Variants in PTPRT observed in about 807,000 individuals in gnomAD.
The protein encoded by PTPRT is protein tyrosine phosphatase receptor type T, also known as receptor-type tyrosine-protein phosphatase T.
Under a neutral mutation model 176.8 loss-of-function variants are expected in PTPRT, and 56 were observed. That is an observed-to-expected ratio of 0.32 (90% CI 0.26 to 0.40). PTPRT has a LOEUF of 0.40. Among genes scored for constraint, PTPRT ranks in the 10% least tolerant of loss-of-function variants. The pLI is 1.00. For synonymous variants in PTPRT, 783 were observed against 739.0 expected (o/e 1.06, Z -0.96); for missense variants, 1,540 against 1,908.2 (o/e 0.81, Z 3.60).
intron 12 of PTPRT, among the ~76,000 whole-genome samples, chr20:42,283,046 C>T (rs1401650093): frequency 1.3e-5 from 2 of 152,076 alleles, no homozygotes; most frequent in East Asian, 3.8e-4. Flanking sequence ...GTTACTTTTC[C>T]CCTGAGCTCT....
At chr20:42,106,342 C>A (rs1986439613) in intron 24 of PTPRT, among the ~76,000 whole-genome samples, 1 of 152,234 alleles carries the variant, frequency 6.6e-6, no homozygotes, top group African/African-American at 2.4e-5. Context: ...AAATGCCCAG[C>A]ACCCAGCTTA....
rs6029959 is a variant in PTPRT, at chr20:42,076,024, C to T, written c.*4855G>A. The T allele has an allele frequency of 4.5e-6, 1 of 223,460 alleles. No homozygotes were observed. The highest frequency in any genetic ancestry group is 6.5e-5 in the East Asian group (1 of 15,464). The allele number at this position is 223,460 out of a possible 1,614,324, so 13.8% of individuals were successfully genotyped here. ...TGGCCTTGCGTTCCTGTTTTCCTGCCTAAAGTGCTCCAAATCTACCCCTTC... is the reference window on the plus strand; with the variant it reads ...TGGCCTTGCGTTCCTGTTTTCCTGCTTAAAGTGCTCCAAATCTACCCCTTC... On this transcript the variant is annotated 3_prime_UTR_variant, in exon 31 of 31. Coordinates refer to ENST00000373187, the MANE Select transcript of PTPRT (RefSeq NM_007050.6).
chr20:42,107,194 G>T (rs1329292902), intron 23 of PTPRT, among the ~76,000 whole-genome samples: 1 of 151,296 alleles, frequency 6.6e-6, no homozygotes, highest in Non-Finnish European at 1.5e-5. Flanking sequence ...TCATAGATAT[G>T]TCTTTCCTAT....
At chr20:42,504,968 C>T (rs1051576488) in intron 7 of PTPRT, among the ~76,000 whole-genome samples, 2 of 152,104 alleles carry the variant, frequency 1.3e-5, no homozygotes, top group African/African-American at 2.4e-5. Flanking sequence ...AGCCTCCATT[C>T]GATAGGTCCG....
At chr20:42,735,125 G>A (rs1371365972) in intron 6 of PTPRT, among the ~76,000 whole-genome samples, 1 of 152,180 alleles carries the variant, frequency 6.6e-6, no homozygotes, top group Non-Finnish European at 1.5e-5. Flanking sequence ...ATTAGTAACA[G>A]GCTTTGCTGA....
intron 1 of PTPRT, among the ~76,000 whole-genome samples, chr20:43,079,703 T>A (rs2011385860): frequency 6.6e-6 from 1 of 152,222 alleles, no homozygotes; most frequent in African/African-American, 2.4e-5. Context: ...AAGTTATTAA[T>A]TTTCATATGT....
At chr20:42,681,694 C>T (rs1253192209) in intron 6 of PTPRT, among the ~76,000 whole-genome samples, 4 of 152,068 alleles carry the variant, frequency 2.6e-5, no homozygotes, top group African/African-American at 2.4e-5. Context: ...AGCCTTCACT[C>T]GAGGATTGAC....
chr20:43,011,138 CA>C (rs1196579780), intron 1 of PTPRT, among the ~76,000 whole-genome samples: 1 of 152,158 alleles, frequency 6.6e-6, no homozygotes, highest in Non-Finnish European at 1.5e-5. Context: ...CTTCTTCACT[CA>C]TTCATTCATT....
At chr20:42,280,845 C>T (rs6030103) in intron 13 of PTPRT, among the ~76,000 whole-genome samples, 116 of 152,256 alleles carry the variant, frequency 7.6e-4, no homozygotes, top group African/African-American at 2.6e-3. Context: ...GTTCCTATTG[C>T]TTGTCAGGTC....
chr20:42,035,309 G>A, the PTPRT span, among the ~76,000 whole-genome samples: 5 of 152,076 alleles, frequency 3.3e-5, no homozygotes, highest in South Asian at 2.1e-4. Flanking sequence ...CTATAAAGAC[G>A]AAGTGACTTA....
intron 12 of PTPRT, among the ~76,000 whole-genome samples, chr20:42,304,490 G>A (rs1055473394): frequency 2.0e-5 from 3 of 152,032 alleles, no homozygotes; most frequent in Non-Finnish European, 4.4e-5. Flanking sequence ...GATACTATGG[G>A]TGTTAATGTT....
At position 42,352,273 on chromosome 20, in the gene PTPRT, C is replaced by T. The variant is rs763915400; in HGVS notation, c.1573G>A (p.Ala525Thr). The change falls in exon 10 of 31, where the codon GCT (alanine) becomes ACT (threonine). Residue 525 changes from alanine (A) to threonine (T), a missense_variant. This residue lies in a region of PTPRT where 136 missense variants were observed against 135.0 expected (regional missense o/e 1.01). Coordinates refer to ENST00000373187, the MANE Select transcript of PTPRT (RefSeq NM_007050.6). ...VITLYEINYK[A>T]VGSLDPSADL... is the part of the protein sequence containing the mutation. ...GCACTTGGGTCCAGCGAGCCGACAG[C>T]CTTGTAGTTGATCTGTAGGACAAGC... The T allele has an allele frequency of 3.1e-6, 5 of 1,614,038 alleles. No individual in the cohort carries two copies. The East Asian group carries it at 1.1e-4, about 36-fold the overall frequency.
chr20:42,482,850 TG>T (rs2071410059), intron 7 of PTPRT, among the ~76,000 whole-genome samples: 1 of 152,156 alleles, frequency 6.6e-6, no homozygotes, highest in African/African-American at 2.4e-5. Flanking sequence ...AAGCTAGTTT[TG>T]GGGGACATAG....
At chr20:42,704,094 G>A (rs190343279) in intron 6 of PTPRT, among the ~76,000 whole-genome samples, 348 of 152,176 alleles carry the variant, frequency 2.3e-3, no homozygotes, top group Admixed American at 4.3e-3. Flanking sequence ...AAAATACCAT[G>A]TATCTTTCTT....
At chr20:42,899,068 G>A (rs963569960) in intron 1 of PTPRT, among the ~76,000 whole-genome samples, 3 of 152,102 alleles carry the variant, frequency 2.0e-5, no homozygotes, top group Non-Finnish European at 4.4e-5. Flanking sequence ...GTCTGGCCCA[G>A]CTGCTAATTT....
At chr20:42,204,299 GAA>G (rs11476363) in intron 15 of PTPRT, among the ~76,000 whole-genome samples, 1 of 149,154 alleles carries the variant, frequency 6.7e-6, no homozygotes, top group African/African-American at 2.5e-5. Flanking sequence ...TGTTGAAGAA[GAA>G]AAAAAAAATC....
chr20:42,589,752 T>C (rs751972265), intron 7 of PTPRT, among the ~76,000 whole-genome samples: 4 of 152,208 alleles, frequency 2.6e-5, no homozygotes, highest in Non-Finnish European at 5.9e-5. Flanking sequence ...GCTCCTGATC[T>C]GTTTTGATCA....
At position 42,253,684 on chromosome 20, in the gene PTPRT, C is replaced by G. The variant is rs114483675; in HGVS notation, c.2177-4862G>C. Among the ~76,000 whole-genome samples, 897 of 152,260 alleles carry G rather than the reference C, an allele frequency of 5.9e-3. 7 individuals carry two copies. The highest frequency in any genetic ancestry group is 0.021 in the African/African-American group (871 of 41,564). On this transcript the variant is annotated intron_variant, in intron 13 of 30. Transcript: ENST00000373187. ...CTCCAATTGGGGAAGCTTTGAGGCTCTACTTGAGTCTCCTGTGTGATGTGA... is the reference window on the plus strand; with the variant it reads ...CTCCAATTGGGGAAGCTTTGAGGCTGTACTTGAGTCTCCTGTGTGATGTGA...
rs529909562 is a variant in PTPRT at position 42,100,471 on chromosome 20, G to T, written c.3714+1653C>A. ...TGTTTTTAATATCAGAAAGGCAAAGGCCCCAGTGATGGCTCACAGGAGAAA... is the reference window on the plus strand; with the variant it reads ...TGTTTTTAATATCAGAAAGGCAAAGTCCCCAGTGATGGCTCACAGGAGAAA... On this transcript the variant is annotated intron_variant, in intron 26 of 30. Transcript: ENST00000373187. Among the ~76,000 whole-genome samples the T allele has an allele frequency of 1.6e-3, 244 of 152,312 alleles. 1 individual carries two copies. Among genetic ancestry groups the T allele is most frequent in the Non-Finnish European group, 3.0e-3 (207 of 68,026 alleles).
Sources: allele counts gnomAD v4.1 joint callset (sites outside exome capture counted in the v4.1 genomes callset), GRCh38; gene constraint gnomAD v4.1.1; regional missense constraint gnomAD v4.1.1; transcripts MANE v1.5; gene names NCBI Gene and HGNC (gene_info 2026-07-23, HGNC 2026-07-21).